The following RRP12 variants were observed in gnomAD, a reference collection of about 807,000 sequenced individuals.
RRP12 encodes ribosomal RNA processing 12 homolog.
RRP12 carries 78 observed loss-of-function variants against 157.3 expected under a neutral mutation model. The ratio of observed to expected loss-of-function variants is 0.50; its 90% CI spans 0.41 to 0.60. RRP12 has a LOEUF of 0.60. Ranked by LOEUF, RRP12 falls within the 20% of genes least tolerant of loss-of-function variation. The pLI is 0.00. For missense variants in RRP12, 1,521 were observed against 1,679.9 expected (o/e 0.91, Z 1.65); for synonymous variants, 726 against 670.9 (o/e 1.08, Z -1.27).
At chr10:97,389,255 G>GTCTA (rs1564766786) in intron 6 of RRP12, among the ~76,000 whole-genome samples, 1 of 151,364 alleles carries the variant, frequency 6.6e-6, no homozygotes, top group African/African-American at 2.4e-5. Context: ...CACCACACCC[G>GTCTA]GCTAATTTTT....
chr10:97,372,155 A>G lies in RRP12; in HGVS notation c.2261T>C (p.Leu754Pro), dbSNP rs749668687. 1 of 1,613,508 alleles carries G rather than the reference A, an allele frequency of 6.2e-7. No individual in the cohort carries two copies. Among genetic ancestry groups the G allele is most frequent in the South Asian group, 1.1e-5 (1 of 91,068 alleles). Residue 754 changes from leucine to proline, a missense_variant, in exon 20 of 34, where the codon CTG (leucine) becomes CCG (proline). By Grantham distance (98) the Leu-to-Pro change is moderately conservative. Coordinates refer to ENST00000370992, the MANE Select transcript of RRP12 (RefSeq NM_015179.4). The stretch of plus-strand genomic sequence containing the variant: ...CGGAGCCAAGGCCACGACCAGGTCC[A>G]GGACAGACAATCTGCTCGGGGCAGG... ...ASSDFTRLSVLDLVVALAPCA... is the reference protein window; with the variant it reads ...ASSDFTRLSVPDLVVALAPCA...
At chr10:97,380,669 CCTG>C in intron 13 of RRP12, 127 bp downstream of exon 13, 1 of 674,358 alleles carries the variant, frequency 1.5e-6, no homozygotes. Context: ...GCATGGGGCA[CCTG>C]CTATGGCCCT....
intron 13 of RRP12, among the ~76,000 whole-genome samples, chr10:97,380,400 A>T (rs1171479533): frequency 6.6e-6 from 1 of 152,196 alleles, no homozygotes; most frequent in Non-Finnish European, 1.5e-5. Context: ...GTGATCCCTG[A>T]TCCTTAAATG....
rs1326203087 is a variant in RRP12 at position 97,358,994 on chromosome 10, A to T, written c.3657T>A (p.Ile1219=). 4 of 1,613,876 alleles carry T rather than the reference A, an allele frequency of 2.5e-6. No homozygotes were observed. Among genetic ancestry groups the T allele is most frequent in the South Asian group, 1.1e-5 (1 of 91,076 alleles). ...TAGCCTTCTTGGCCACAGGGCGATG[A>T]ATGCCAGAGCCTCCAGCTACGGGGA... ...PPQYQAGGSG[I]HRPVAKKAMP... Residue 1219 remains isoleucine, a synonymous_variant, in exon 32 of 34, where the codon ATT becomes ATA. Transcript: ENST00000370992.
rs200977018 is a variant in RRP12 at position 97,372,173 on chromosome 10, G to A, written c.2250-7C>T. The A allele has an allele frequency of 7.7e-5, 124 of 1,610,990 alleles. No homozygotes were observed. The African/African-American group carries it at 9.2e-4, about 12-fold the overall frequency. On this transcript the variant is annotated splice_polypyrimidine_tract_variant and splice_region_variant and intron_variant, in intron 19 of 33. Transcript: ENST00000370992. ...CAGGTCCAGGACAGACAATCTGCTCGGGGCAGGAGGACAAGGAGAGGGATG... is the reference window on the plus strand; with the variant it reads ...CAGGTCCAGGACAGACAATCTGCTCAGGGCAGGAGGACAAGGAGAGGGATG...
chr10:97,384,872 G>A (rs1412660152), intron 10 of RRP12, among the ~76,000 whole-genome samples: 2 of 149,576 alleles, frequency 1.3e-5, no homozygotes, highest in Non-Finnish European at 3.0e-5. Context: ...CAGCCGGGAC[G>A]GAGGCCCTGA....
chr10:97,360,915 G>C (rs1295310202), intron 30 of RRP12, among the ~76,000 whole-genome samples: 1 of 152,208 alleles, frequency 6.6e-6, no homozygotes, highest in Non-Finnish European at 1.5e-5. Flanking sequence ...CAATTGCCCA[G>C]AGGGCTTCTG....
chr10:97,366,152 T>A lies in RRP12; in HGVS notation c.3473A>T (p.Glu1158Val), dbSNP rs767746847. 6.2e-6 allele frequency: 10 copies of A among 1,607,896 alleles called. No individual in the cohort carries two copies. Among genetic ancestry groups the A allele is most frequent in the African/African-American group, 1.3e-5 (1 of 74,654 alleles). Residue 1158 changes from glutamate to valine, a missense_variant, in exon 29 of 34, where the codon GAG (glutamate) becomes GTG (valine). Transcript: ENST00000370992. ...VSADGRLIIREEADGNKMEEE... is the reference protein window; with the variant it reads ...VSADGRLIIRVEADGNKMEEE... Reference sequence around the variant, plus strand: ...CTCCATCTTGTTGCCGTCTGCCTCCTCCCTTATGATCAGCCGGCCATCGGC... The same window carrying A: ...CTCCATCTTGTTGCCGTCTGCCTCCACCCTTATGATCAGCCGGCCATCGGC...
chr10:97,399,181 G>C (rs753729539), intron 2 of RRP12, among the ~76,000 whole-genome samples: 1 of 152,166 alleles, frequency 6.6e-6, no homozygotes, highest in Non-Finnish European at 1.5e-5. Context: ...GCTGAGGCAG[G>C]AGAATCACCT....
At chr10:97,362,687 C>T (rs1202459934) in intron 30 of RRP12, among the ~76,000 whole-genome samples, 1 of 152,176 alleles carries the variant, frequency 6.6e-6, no homozygotes, top group African/African-American at 2.4e-5. Context: ...CACTGCTTTT[C>T]CTCAAGGGCA....
At chr10:97,381,639 G>A (rs1460709054) in intron 11 of RRP12, 76 bp downstream of exon 11, 5 of 1,364,622 alleles carry the variant, frequency 3.7e-6, no homozygotes, top group Non-Finnish European at 4.1e-6. Context: ...TGGTAGCCTG[G>A]GGCCAGTGCT....
At chr10:97,371,763 G>C (rs1844161958) in intron 20 of RRP12, 2 of 287,092 alleles carry the variant, frequency 7.0e-6, no homozygotes, top group East Asian at 1.2e-4. Context: ...AGAGTGGACT[G>C]GGTGGGATAA....
intron 15 of RRP12, among the ~76,000 whole-genome samples, chr10:97,378,218 C>G (rs1844363411): frequency 6.6e-6 from 1 of 152,202 alleles, no homozygotes; most frequent in African/African-American, 2.4e-5. Context: ...TACATATGAT[C>G]TACAGTCATG....
Position 97,366,197 on chromosome 10 carries a change from T to C in RRP12, c.3428A>G (p.Asp1143Gly), listed in dbSNP as rs1843973894. ...QPGPGRGRKK[D>G]HGFKVSADGR... ...ATCGGCGCTCACCTTGAAGCCGTGGTCCTTCTTCCTGCCCCGGCCTGGCCC... is the reference window on the plus strand; with the variant it reads ...ATCGGCGCTCACCTTGAAGCCGTGGCCCTTCTTCCTGCCCCGGCCTGGCCC... Residue 1143 changes from aspartate (D) to glycine (G), a missense_variant, in exon 29 of 34, where the codon GAC becomes GGC. By Grantham distance (94) the Asp-to-Gly change is moderately conservative. Coordinates refer to ENST00000370992, the MANE Select transcript of RRP12 (RefSeq NM_015179.4). 1 of 1,611,300 alleles carries C rather than the reference T, an allele frequency of 6.2e-7. No homozygotes were observed. Among genetic ancestry groups the C allele is most frequent in the South Asian group, 1.1e-5 (1 of 91,056 alleles).
intron 9 of RRP12, 38 bp from the exon 10 acceptor site, chr10:97,385,295 G>A: frequency 1.4e-6 from 2 of 1,479,768 alleles, no homozygotes; most frequent in Non-Finnish European, 1.9e-6. Context: ...AGCATGCAGG[G>A]TCTGCAATAG....
intron 30 of RRP12, among the ~76,000 whole-genome samples, chr10:97,361,545 C>G (rs189081502): frequency 2.8e-4 from 43 of 152,330 alleles, no homozygotes; most frequent in Non-Finnish European, 4.6e-4. Flanking sequence ...GTAAAGGGAT[C>G]GGCCTGGGCA....
At chr10:97,365,507 TC>T (rs1843950768) in intron 29 of RRP12, among the ~76,000 whole-genome samples, 2 of 151,984 alleles carry the variant, frequency 1.3e-5, no homozygotes, top group Non-Finnish European at 2.9e-5. Context: ...TCTCCTGACC[TC>T]CTGATCTGCG....
At chr10:97,398,039 ATTTTTTT>A (rs1184698036) in intron 2 of RRP12, among the ~76,000 whole-genome samples, 1 of 56,028 alleles carries the variant, frequency 1.8e-5, no homozygotes, top group Non-Finnish European at 3.2e-5. Flanking sequence ...ATATATACGT[ATTTTTTT>A]TTTTTTTTTT....
intron 15 of RRP12, among the ~76,000 whole-genome samples, chr10:97,376,713 C>T (rs1226555785): frequency 6.6e-6 from 1 of 151,944 alleles, no homozygotes; most frequent in East Asian, 1.9e-4. Context: ...GAGCACCCAT[C>T]CCCCAACGGT....
Sources: gnomAD v4.1 joint callset for allele counts (sites outside exome capture counted in the v4.1 genomes callset) on GRCh38, gnomAD v4.1.1 for gene constraint, MANE v1.5 for transcripts, NCBI Gene and HGNC (gene_info 2026-07-23, HGNC 2026-07-21) for gene names.